The following TRAF3IP1 variants were observed in gnomAD, a reference collection of about 807,000 sequenced individuals.
TRAF3IP1 encodes the protein intraflagellar transport 54.
In TRAF3IP1, 53 loss-of-function variants were observed where a neutral mutation model predicts 89.9. The ratio of observed to expected loss-of-function variants is 0.59; its 90% CI spans 0.47 to 0.74. The LOEUF (loss-of-function observed/expected upper bound fraction) is 0.74. Ranked by LOEUF, TRAF3IP1 falls within the 30% of genes least tolerant of loss-of-function variation. The pLI, the probability that TRAF3IP1 is intolerant of heterozygous loss-of-function variation, is 0.00. For synonymous variants in TRAF3IP1, 311 were observed against 322.1 expected, an observed-to-expected ratio of 0.97 and a Z score of 0.37; for missense variants, 806 against 866.1, an observed-to-expected ratio of 0.93 and a Z score of 0.87.
In TRAF3IP1 at chr2:238,329,122, AAGAC is replaced by A. The variant is rs1266716435; in HGVS notation, c.699_702del (p.Asp233GlufsTer29). 1.3e-6 allele frequency: 2 copies of A among 1,551,066 alleles called. No homozygotes were observed. The highest frequency in any genetic ancestry group is 1.4e-5 in the African/African-American group (1 of 72,692). On this transcript the variant is annotated frameshift_variant, in exon 5 of 17. Coordinates refer to ENST00000373327, the MANE Select transcript of TRAF3IP1 (RefSeq NM_015650.4). LOFTEE classifies it high-confidence loss of function. ...GCCAGGCCAGACAACGAGCGACAGA[AAGAC>A]AGAGGCAACAGGGAGCGGGACAGAG...
At chr2:238,360,443 A>G (rs187047254) in intron 15 of TRAF3IP1, among the ~76,000 whole-genome samples, 387 of 152,236 alleles carry the variant, frequency 2.5e-3, no homozygotes, top group Non-Finnish European at 4.4e-3. Context: ...CCTGTGCAAC[A>G]TAGGGAGACC....
chr2:238,338,285 TTA>T, intron 7 of TRAF3IP1, 75 bp from the exon 8 acceptor site: 1 of 896,804 alleles, frequency 1.1e-6, no homozygotes. Context: ...AATGTAACCC[TTA>T]TAAATCCCAG....
chr2:238,356,024 T>C lies in TRAF3IP1; in HGVS notation c.1633T>C (p.Leu545=). ...EKHGGLVKKI[L]ETKKDYEKLQ... ...AACAGGTGGACTTGTGAAAAAAATT[T>C]TGGAGACGAAGAAAGATTATGAGAA... Residue 545 remains leucine (L), a synonymous_variant, in exon 15 of 17, where the codon TTG becomes CTG. Coordinates refer to ENST00000373327, the MANE Select transcript of TRAF3IP1 (RefSeq NM_015650.4). 6.2e-7 allele frequency: 1 copy of C among 1,613,708 alleles called. No individual in the cohort carries two copies. The highest frequency in any genetic ancestry group is 1.3e-5 in the African/African-American group (1 of 75,038).
chr2:238,356,160 C>A, intron 15 of TRAF3IP1, 80 bp downstream of exon 15: 1 of 1,106,080 alleles, frequency 9.0e-7, no homozygotes, highest in Non-Finnish European at 1.4e-6. Flanking sequence ...GTTGGAGCAT[C>A]TTTCAATATT....
At position 238,325,977 on chromosome 2, in the gene TRAF3IP1, C is replaced by T; in HGVS notation, c.354+7C>T. ...AAAATGCTGTCTCAACAAGGTACTA[C>T]TGCTGTCCTGGCATTTTGAACTTAC... On this transcript the variant is annotated splice_region_variant and intron_variant, in intron 3 of 16. Transcript: ENST00000373327. 6.2e-7 allele frequency: 1 copy of T among 1,606,508 alleles called. No homozygotes were observed.
chr2:238,383,975 A>G (rs148222314), intron 15 of TRAF3IP1, among the ~76,000 whole-genome samples: 6 of 152,046 alleles, frequency 3.9e-5, no homozygotes, highest in South Asian at 2.1e-4. Context: ...TCTTTTGCTT[A>G]TTTACTGCCG....
intron 15 of TRAF3IP1, among the ~76,000 whole-genome samples, 200 bp from the exon 16 acceptor site, chr2:238,397,259 C>T (rs1701266291): frequency 6.6e-6 from 1 of 152,208 alleles, no homozygotes; most frequent in South Asian, 2.1e-4. Flanking sequence ...GCTGTGTCCT[C>T]TGATGGCGTG....
chr2:238,368,620 A>G (rs1198803473), intron 15 of TRAF3IP1, among the ~76,000 whole-genome samples: 1 of 151,906 alleles, frequency 6.6e-6, no homozygotes, highest in Non-Finnish European at 1.5e-5. Context: ...TAAATCCCTT[A>G]AAGAAAAAAA....
intron 15 of TRAF3IP1, among the ~76,000 whole-genome samples, chr2:238,392,971 C>A (rs996666387): frequency 4.6e-5 from 7 of 152,186 alleles, no homozygotes; most frequent in Non-Finnish European, 1.0e-4. Flanking sequence ...GGGGTTGTTT[C>A]CAGTTTGTGG....
Position 238,325,898 on chromosome 2 carries a change from A to G in TRAF3IP1, c.282A>G (p.Arg94=), listed in dbSNP as rs753575315. ...AGCCACTGTTGGCCAAACCAGCCCG[A>G]ATCGTGGCGGGGCATGAGCCTGAAA... ...SGEPLLAKPA[R]IVAGHEPERT... is the part of the protein sequence containing the mutation. The change falls in exon 3 of 17, where the codon CGA becomes CGG. Residue 94 remains arginine (R), a synonymous_variant. Coordinates refer to ENST00000373327, the MANE Select transcript of TRAF3IP1 (RefSeq NM_015650.4). The G allele has an allele frequency of 6.2e-6, 10 of 1,614,120 alleles. No homozygotes were observed. The Admixed American group carries it at 1.5e-4, about 24-fold the overall frequency.
chr2:238,351,834 GGT>G lies in TRAF3IP1; in HGVS notation c.1452-961_1452-960del, dbSNP rs10527993. Among the ~76,000 whole-genome samples the G allele has an allele frequency of 0.1, 14,370 of 140,686 alleles. 811 individuals are homozygous for G. Among genetic ancestry groups the G allele is most frequent in the African/African-American group, 0.17 (6,385 of 37,928 alleles). The allele number at this position is 140,686 out of a possible 152,430, so 92.3% of individuals were successfully genotyped here. A position where few individuals can be genotyped will look rare whatever the true frequency, so the allele number is the denominator to read the frequency against. ...TGGCACTGAAGCAAGGGAGGATTTT[GGT>G]GTGTGTGTGTGTGTGTGTGTGTGTG... On this transcript the variant is annotated intron_variant, in intron 12 of 16. Coordinates refer to ENST00000373327, the MANE Select transcript of TRAF3IP1 (RefSeq NM_015650.4). The surrounding 1 kb of genome is among the most constrained non-coding windows in gnomAD (Gnocchi z 5.2).
At chr2:238,331,820 C>T (rs748113009) in intron 5 of TRAF3IP1, among the ~76,000 whole-genome samples, 12 of 152,232 alleles carry the variant, frequency 7.9e-5, no homozygotes, top group Non-Finnish European at 1.5e-4. Context: ...TTACTCACAT[C>T]TACGCTGGGG....
intron 7 of TRAF3IP1, 35 bp downstream of exon 7, chr2:238,334,070 G>A (rs1285181664): frequency 1.4e-6 from 2 of 1,433,436 alleles, no homozygotes; most frequent in African/African-American, 1.7e-5. Flanking sequence ...CTGAAAATAT[G>A]GATATTAGTT....
chr2:238,344,023 T>A (rs1258163555), intron 8 of TRAF3IP1, among the ~76,000 whole-genome samples: 1 of 152,176 alleles, frequency 6.6e-6, no homozygotes, highest in Non-Finnish European at 1.5e-5. Flanking sequence ...CTTCATAAAC[T>A]TTGGAACATC....
At chr2:238,343,271 A>T (rs995987361) in intron 8 of TRAF3IP1, among the ~76,000 whole-genome samples, 1 of 151,922 alleles carries the variant, frequency 6.6e-6, no homozygotes, top group Non-Finnish European at 1.5e-5. Context: ...TTTTTAGTAG[A>T]GATGGGGTTT....
At chr2:238,383,806 G>C (rs947962440) in intron 15 of TRAF3IP1, among the ~76,000 whole-genome samples, 4 of 152,108 alleles carry the variant, frequency 2.6e-5, no homozygotes, top group African/African-American at 9.7e-5. Flanking sequence ...CTTTTTGTTT[G>C]TGCTAGTTGC....
chr2:238,354,489 C>T (rs1368631633), intron 14 of TRAF3IP1, among the ~76,000 whole-genome samples: 1 of 152,204 alleles, frequency 6.6e-6, no homozygotes, highest in Non-Finnish European at 1.5e-5. Context: ...TCTTCCATCT[C>T]ATGCCAAAAA....
intron 15 of TRAF3IP1, among the ~76,000 whole-genome samples, chr2:238,385,328 T>C (rs1342677570): frequency 6.6e-6 from 1 of 152,204 alleles, no homozygotes; most frequent in Non-Finnish European, 1.5e-5. Flanking sequence ...TAGCATCGTT[T>C]AAGTGTTGAC....
At chr2:238,327,677 T>G (rs1473360201) in intron 3 of TRAF3IP1, among the ~76,000 whole-genome samples, 1 of 152,108 alleles carries the variant, frequency 6.6e-6, no homozygotes, top group African/African-American at 2.4e-5. Context: ...CATCACCACC[T>G]TCCATCTCCA....
Sources: allele counts gnomAD v4.1 joint callset (sites outside exome capture counted in the v4.1 genomes callset), GRCh38; gene constraint gnomAD v4.1.1; non-coding constraint Gnocchi (gnomAD v3.1); transcripts MANE v1.5; gene names NCBI Gene and HGNC (gene_info 2026-07-23, HGNC 2026-07-21).